The following FHOD3 variants were observed in gnomAD, a reference collection of about 807,000 sequenced individuals.
FHOD3 encodes the protein FH1/FH2 domain-containing protein 3.
FHOD3 carries 90 observed loss-of-function variants against 173.0 expected under a neutral mutation model. The observed-to-expected ratio is 0.52, with a 90% CI of 0.44 to 0.62. FHOD3 has a LOEUF of 0.62. FHOD3 is among the 20% of genes least tolerant of loss of function. The pLI, the probability that FHOD3 is intolerant of heterozygous loss-of-function variation, is 0.00. For missense variants in FHOD3, 1,945 were observed against 2,034.7 expected, an observed-to-expected ratio of 0.96 and a Z score of 0.85; for synonymous variants, 828 against 823.0, an observed-to-expected ratio of 1.01 and a Z score of -0.10.
At chr18:36,683,174 A>T (rs2038370147) in intron 15 of FHOD3, among the ~76,000 whole-genome samples, 1 of 152,178 alleles carries the variant, frequency 6.6e-6, no homozygotes. Context: ...GTAGTTCTGG[A>T]AGTTGTCACT....
intron 19 of FHOD3, among the ~76,000 whole-genome samples, chr18:36,720,194 G>C (rs1247323837): frequency 6.7e-6 from 1 of 150,336 alleles, no homozygotes; most frequent in Non-Finnish European, 1.5e-5. Flanking sequence ...TCTAGGACTG[G>C]TACCAAGTGG....
intron 5 of FHOD3, among the ~76,000 whole-genome samples, chr18:36,546,170 A>G (rs939463113): frequency 6.6e-6 from 1 of 152,212 alleles, no homozygotes; most frequent in Non-Finnish European, 1.5e-5. Context: ...GGCTGGTGTT[A>G]CATTCCACCG....
chr18:36,324,554 G>C (rs1477969159), intron 1 of FHOD3, among the ~76,000 whole-genome samples: 1 of 152,158 alleles, frequency 6.6e-6, no homozygotes, highest in Non-Finnish European at 1.5e-5. Flanking sequence ...GAAAATGACA[G>C]TCCAATAGAA....
At chr18:36,545,344 T>G (rs982378970) in intron 5 of FHOD3, among the ~76,000 whole-genome samples, 5 of 152,172 alleles carry the variant, frequency 3.3e-5, no homozygotes, top group Admixed American at 3.3e-4. Flanking sequence ...AAAGCAGGTG[T>G]GAGGCTTCTA....
intron 18 of FHOD3, among the ~76,000 whole-genome samples, chr18:36,711,805 G>A (rs2149698519): frequency 6.6e-6 from 1 of 152,330 alleles, no homozygotes; most frequent in Admixed American, 6.5e-5. Flanking sequence ...AAAGGACTGG[G>A]AAAAGGATTG....
chr18:36,556,390 G>A (rs150825077), intron 5 of FHOD3, among the ~76,000 whole-genome samples: 73 of 152,112 alleles, frequency 4.8e-4, no homozygotes, highest in African/African-American at 1.7e-3. Flanking sequence ...ATGGAGAGAG[G>A]GTCAACATTT....
intron 5 of FHOD3, among the ~76,000 whole-genome samples, chr18:36,564,331 G>T (rs17651357): frequency 0.022 from 3,289 of 152,274 alleles, 54 homozygotes; most frequent in Middle Eastern, 0.037. Flanking sequence ...AATTTTTAGA[G>T]GTTCAAAACT....
At position 36,516,446 on chromosome 18, in the gene FHOD3, G is replaced by A. The variant is rs114524615; in HGVS notation, c.511+3903G>A. ...GGCAAGCCAGCTGAGGATTGGCCCC[G>A]AAGCTCAGAGTGGCTCTGGAGTGGC... On this transcript the variant is annotated intron_variant, in intron 5 of 28. Coordinates refer to ENST00000590592, the MANE Select transcript of FHOD3 (RefSeq NM_001281740.3). Among the ~76,000 whole-genome samples, 1,085 of 152,294 alleles carry A rather than the reference G, an allele frequency of 7.1e-3. 11 individuals carry two copies. Among genetic ancestry groups the A allele is most frequent in the African/African-American group, 0.025 (1,033 of 41,550 alleles).
At chr18:36,436,298 A>G (rs1451957899) in intron 3 of FHOD3, among the ~76,000 whole-genome samples, 2 of 152,190 alleles carry the variant, frequency 1.3e-5, no homozygotes, top group Non-Finnish European at 2.9e-5. Context: ...TTCTATATAC[A>G]TTTTAATAAT....
At chr18:36,547,431 A>C (rs931909736) in intron 5 of FHOD3, among the ~76,000 whole-genome samples, 1 of 152,124 alleles carries the variant, frequency 6.6e-6, no homozygotes, top group Non-Finnish European at 1.5e-5. Context: ...TCACAGGTTA[A>C]ACCATCTCAT....
chr18:36,647,790 G>C (rs546215367), intron 10 of FHOD3, among the ~76,000 whole-genome samples: 1 of 152,308 alleles, frequency 6.6e-6, no homozygotes, highest in South Asian at 2.1e-4. Context: ...GAATCCCACA[G>C]CTGTAATGTT....
chr18:36,474,978 TAC>T (rs1254596605), intron 3 of FHOD3, among the ~76,000 whole-genome samples: 3 of 95,094 alleles, frequency 3.2e-5, no homozygotes, highest in African/African-American at 1.2e-4. Flanking sequence ...AGGTTGAAAA[TAC>T]ACACATACAC....
In FHOD3 at chr18:36,572,857, C is replaced by G. The variant is rs1464621126; in HGVS notation, c.512-3594C>G. On this transcript the variant is annotated intron_variant, in intron 5 of 28. Coordinates refer to ENST00000590592, the MANE Select transcript of FHOD3 (RefSeq NM_001281740.3). ...GGTTAGCTGATTTAAAGGAAGGTGC[C>G]AAAATGTACCTCAGGATTGGCCTTT... 8.5e-5 allele frequency among the ~76,000 whole-genome samples: 13 copies of G among 152,162 alleles called. No homozygotes were observed. In the East Asian group the frequency reaches 1.7e-3, roughly 20 times the overall value.
chr18:36,514,727 C>G (rs2146393643), intron 5 of FHOD3, among the ~76,000 whole-genome samples: 1 of 152,302 alleles, frequency 6.6e-6, no homozygotes, highest in East Asian at 1.9e-4. Flanking sequence ...CCTAGGAGCA[C>G]ATTTGTGTAT....
chr18:36,671,219 T>C (rs983439793), intron 14 of FHOD3, among the ~76,000 whole-genome samples: 1 of 152,376 alleles, frequency 6.6e-6, no homozygotes, highest in South Asian at 2.1e-4. Flanking sequence ...TTGGCCTCTC[T>C]AGACTCCCAG....
intron 14 of FHOD3, among the ~76,000 whole-genome samples, chr18:36,661,701 ATGTGTT>A (rs1386210398): frequency 4.6e-5 from 7 of 152,192 alleles, no homozygotes; most frequent in Non-Finnish European, 8.8e-5. Flanking sequence ...AAGTATATTC[ATGTGTT>A]AGATGTTGAT....
At chr18:36,352,725 A>T (rs896341569) in intron 1 of FHOD3, among the ~76,000 whole-genome samples, 1 of 152,202 alleles carries the variant, frequency 6.6e-6, no homozygotes, top group African/African-American at 2.4e-5. Context: ...GAGGAAAAGG[A>T]CATTGTGATG....
chr18:36,568,741 A>G (rs2058359641), intron 5 of FHOD3, among the ~76,000 whole-genome samples: 1 of 152,144 alleles, frequency 6.6e-6, no homozygotes, highest in Non-Finnish European at 1.5e-5. Context: ...AAATGTCAAC[A>G]TTTTCTGTAA....
intron 3 of FHOD3, among the ~76,000 whole-genome samples, chr18:36,389,381 G>A (rs1048546427): frequency 9.9e-5 from 15 of 152,194 alleles, no homozygotes; most frequent in Non-Finnish European, 1.9e-4. Flanking sequence ...GCCTTTGTCA[G>A]TTGACTTGTG....
Sources: gnomAD v4.1 joint callset for allele counts (sites outside exome capture counted in the v4.1 genomes callset) on GRCh38, gnomAD v4.1.1 for gene constraint, MANE v1.5 for transcripts, NCBI Gene and HGNC (gene_info 2026-07-23, HGNC 2026-07-21) for gene names.